Variants in ABHD12 observed in about 807,000 individuals in gnomAD.
ABHD12 encodes abhydrolase domain containing 12, lysophospholipase, also known as lysophosphatidylserine lipase ABHD12.
A neutral mutation model predicts 58.3 loss-of-function variants in ABHD12; 43 were observed. The observed-to-expected ratio is 0.74, with a 90% CI of 0.58 to 0.95. ABHD12 has a LOEUF of 0.95. ABHD12 is among the 40% of genes least tolerant of loss of function. ABHD12 has a pLI of 0.00. For missense variants in ABHD12, 539 were observed against 537.2 expected (o/e 1.00, Z -0.03); for synonymous variants, 219 against 211.2 (o/e 1.04, Z -0.32).
chr20:25,325,279 C>A (rs2089155402), intron 2 of ABHD12, among the ~76,000 whole-genome samples: 1 of 150,198 alleles, frequency 6.7e-6, no homozygotes, highest in Non-Finnish European at 1.5e-5. Flanking sequence ...TGCCTCCTGG[C>A]TGGCTGGACA....
rs762526719 is a variant in ABHD12, at chr20:25,309,576, C to T, written c.620-1G>A. ...GGCGTTCCCACTGAGTCACCCCAACCTGGGAGGGAGAAACGGCAGGACGGG... is the reference window on the plus strand; with the variant it reads ...GGCGTTCCCACTGAGTCACCCCAACTTGGGAGGGAGAAACGGCAGGACGGG... On this transcript the variant is annotated splice_acceptor_variant, in intron 6 of 12. Coordinates refer to ENST00000339157, the MANE Select transcript of ABHD12 (RefSeq NM_001042472.3). LOFTEE classifies it high-confidence loss of function. The T allele has an allele frequency of 6.2e-7, 1 of 1,614,090 alleles. No individual in the cohort carries two copies. Among genetic ancestry groups the T allele is most frequent in the Non-Finnish European group, 8.5e-7 (1 of 1,179,970 alleles).
Position 25,314,911 on chromosome 20 carries a change from A to G in ABHD12, c.619+14T>C, listed in dbSNP as rs1185727703. 2.5e-6 allele frequency: 4 copies of G among 1,614,144 alleles called. No homozygotes were observed. The highest frequency in any genetic ancestry group is 1.1e-5 in the South Asian group (1 of 91,084). On this transcript the variant is annotated intron_variant, in intron 6 of 12. Coordinates refer to ENST00000339157, the MANE Select transcript of ABHD12 (RefSeq NM_001042472.3). ...TGGAATTGTGCTCAGATGCTCTTGC[A>G]AAAGAAATCTCACCTCTGTAGTCAA...
At chr20:25,306,952 G>A (rs1358549011) in intron 9 of ABHD12, 37 bp from the exon 10 acceptor site, 2 of 1,480,220 alleles carry the variant, frequency 1.4e-6, no homozygotes, top group Admixed American at 3.4e-5. Flanking sequence ...AGAAGCGTTG[G>A]TTAAGATATC....
chr20:25,381,630 T>C (rs1449364007), intron 1 of ABHD12, among the ~76,000 whole-genome samples: 1 of 151,256 alleles, frequency 6.6e-6, no homozygotes, highest in African/African-American at 2.4e-5. Context: ...TACCCTCTTT[T>C]TTTTTTTTTT....
chr20:25,353,326 G>A (rs2089626954), intron 1 of ABHD12, among the ~76,000 whole-genome samples: 1 of 151,024 alleles, frequency 6.6e-6, no homozygotes, highest in Admixed American at 6.6e-5. Flanking sequence ...TTCCCAAAGT[G>A]TGAACAAGTA....
downstream of ABHD12, chr20:25,295,619 A>G (rs367946968): frequency 9.9e-6 from 16 of 1,614,018 alleles, no homozygotes; most frequent in South Asian, 1.3e-4. Context: ...AGGTGTTTGC[A>G]GACTATGAAG....
intron 1 of ABHD12, among the ~76,000 whole-genome samples, chr20:25,383,191 G>C (rs1232866163): frequency 6.6e-6 from 1 of 152,210 alleles, no homozygotes; most frequent in Non-Finnish European, 1.5e-5. Context: ...GAAGAAGACA[G>C]ATGTTAACCT....
chr20:25,361,104 C>A (rs1422568232), intron 1 of ABHD12, among the ~76,000 whole-genome samples: 1 of 152,208 alleles, frequency 6.6e-6, no homozygotes. Context: ...CCCCTGCAAT[C>A]CCACGCTAAG....
intron 6 of ABHD12, among the ~76,000 whole-genome samples, chr20:25,311,633 A>G (rs1021025198): frequency 3.9e-5 from 6 of 152,184 alleles, no homozygotes; most frequent in Non-Finnish European, 8.8e-5. Context: ...TGCCCCCACA[A>G]GAAGGTGAAG....
chr20:25,384,123 C>CA, intron 1 of ABHD12, among the ~76,000 whole-genome samples: 1 of 136,644 alleles, frequency 7.3e-6, no homozygotes, highest in Admixed American at 7.8e-5. Flanking sequence ...GCCTGGGTGA[C>CA]AGAGTGAGAC....
chr20:25,311,477 G>A (rs372077535), intron 6 of ABHD12, among the ~76,000 whole-genome samples: 95 of 152,326 alleles, frequency 6.2e-4, no homozygotes, highest in South Asian at 4.1e-4. Context: ...ACTGCAAGAC[G>A]CTACATGTGT....
intron 1 of ABHD12, among the ~76,000 whole-genome samples, chr20:25,375,183 G>A (rs2089947657): frequency 6.6e-6 from 1 of 152,192 alleles, no homozygotes; most frequent in African/African-American, 2.4e-5. Flanking sequence ...TGAGAAACCA[G>A]CCCTGCTGAC....
chr20:25,388,133 T>C (rs1208409383), intron 1 of ABHD12, among the ~76,000 whole-genome samples: 2 of 79,912 alleles, frequency 2.5e-5, no homozygotes, highest in Non-Finnish European at 4.7e-5. Context: ...CTGAAAACTT[T>C]TAAGTGATGG....
At chr20:25,360,238 T>TTTTTTC (rs1431457011) in intron 1 of ABHD12, among the ~76,000 whole-genome samples, 2 of 108,698 alleles carry the variant, frequency 1.8e-5, no homozygotes, top group Non-Finnish European at 3.8e-5. Flanking sequence ...TTTTTTTTTT[T>TTTTTTC]TTTTTTTTTT....
chr20:25,383,638 G>C (rs1186516197), intron 1 of ABHD12, among the ~76,000 whole-genome samples: 2 of 152,124 alleles, frequency 1.3e-5, no homozygotes, highest in African/African-American at 4.8e-5. Context: ...GGCCAATATG[G>C]TGAAACCCCG....
At chr20:25,324,483 C>G (rs902421346) in intron 2 of ABHD12, among the ~76,000 whole-genome samples, 1 of 152,200 alleles carries the variant, frequency 6.6e-6, no homozygotes, top group Admixed American at 6.5e-5. Context: ...TGGGATTTGC[C>G]TGCTTTATAA....
intron 2 of ABHD12, among the ~76,000 whole-genome samples, chr20:25,328,910 C>A (rs2089220130): frequency 6.6e-6 from 1 of 152,196 alleles, no homozygotes. Flanking sequence ...GATCACACAG[C>A]CCCAGAGCGG....
In ABHD12 at chr20:25,373,686, T is replaced by C. The variant is rs189314912; in HGVS notation, c.191+16827A>G. 8.5e-5 allele frequency among the ~76,000 whole-genome samples: 13 copies of C among 152,294 alleles called. No homozygotes were observed. In the East Asian group the frequency reaches 1.7e-3, roughly 20 times the overall value. On this transcript the variant is annotated intron_variant, in intron 1 of 12. Transcript: ENST00000339157. ...TCCTCTGGTTGGTTTGAAGGTTTTT[T>C]TTTTCTTTATCACTGATTTTGAGCA...
chr20:25,351,396 C>T (rs2089598337), intron 1 of ABHD12, among the ~76,000 whole-genome samples: 1 of 152,250 alleles, frequency 6.6e-6, no homozygotes, highest in Non-Finnish European at 1.5e-5. Context: ...TGGGCTTCCA[C>T]TGTACTTAAG....
Sources: gnomAD v4.1 joint callset for allele counts (sites outside exome capture counted in the v4.1 genomes callset) on GRCh38, gnomAD v4.1.1 for gene constraint, MANE v1.5 for transcripts, NCBI Gene and HGNC (gene_info 2026-07-23, HGNC 2026-07-21) for gene names.